Variants in ASIC2 observed in about 807,000 individuals in gnomAD.
ASIC2 encodes acid-sensing ion channel 2.
Under a neutral mutation model 57.3 loss-of-function variants are expected in ASIC2, and 25 were observed. The observed-to-expected ratio is 0.44, with a 90% CI of 0.32 to 0.61. The LOEUF is 0.61. ASIC2 is among the 20% of genes least tolerant of loss of function. ASIC2 has a pLI of 0.06. For synonymous variants in ASIC2, 319 were observed against 307.5 expected (o/e 1.04, Z -0.39); for missense variants, 641 against 738.1 (o/e 0.87, Z 1.52).
At chr17:33,363,812 T>C (rs1908704036) in intron 1 of ASIC2, among the ~76,000 whole-genome samples, 1 of 152,206 alleles carries the variant, frequency 6.6e-6, no homozygotes. Context: ...GCTTTCCATC[T>C]GGACCCTCCA....
intron 3 of ASIC2, among the ~76,000 whole-genome samples, chr17:33,043,111 G>C (rs959617703): frequency 6.6e-6 from 1 of 152,132 alleles, no homozygotes; most frequent in Non-Finnish European, 1.5e-5. Context: ...ATTTTTAGTA[G>C]AGACAGGGTT....
At chr17:33,640,150 A>G (rs547995874) in intron 1 of ASIC2, among the ~76,000 whole-genome samples, 2 of 152,156 alleles carry the variant, frequency 1.3e-5, no homozygotes, top group South Asian at 4.2e-4. Context: ...GTTTTTATCT[A>G]CATAATAAAG....
chr17:33,860,628 A>G (rs1473296750), intron 1 of ASIC2, among the ~76,000 whole-genome samples: 1 of 152,338 alleles, frequency 6.6e-6, no homozygotes, highest in East Asian at 1.9e-4. Flanking sequence ...CTAGGACCAG[A>G]ATCATATGGC....
intron 1 of ASIC2, among the ~76,000 whole-genome samples, chr17:33,817,056 G>C (rs1346526729): frequency 6.6e-6 from 1 of 152,222 alleles, no homozygotes; most frequent in African/African-American, 2.4e-5. Flanking sequence ...CCCCAGCGGG[G>C]CTGCACACTG....
At chr17:33,223,240 TG>T (rs1308513722) in intron 1 of ASIC2, among the ~76,000 whole-genome samples, 1 of 152,130 alleles carries the variant, frequency 6.6e-6, no homozygotes, top group East Asian at 1.9e-4. Flanking sequence ...TGGAGTACAG[TG>T]GCGTGATCTC....
At chr17:33,564,262 T>C (rs1008882391) in intron 1 of ASIC2, among the ~76,000 whole-genome samples, 2 of 152,166 alleles carry the variant, frequency 1.3e-5, no homozygotes, top group Non-Finnish European at 2.9e-5. Flanking sequence ...TTAGTGGAGA[T>C]TTTTAAAGAA....
chr17:33,427,562 A>C (rs1207364011), intron 1 of ASIC2, among the ~76,000 whole-genome samples: 1 of 152,178 alleles, frequency 6.6e-6, no homozygotes, highest in Non-Finnish European at 1.5e-5. Flanking sequence ...CCAACTCTCC[A>C]TCCTCCCCCA....
intron 1 of ASIC2, among the ~76,000 whole-genome samples, chr17:34,099,663 GGAAAGAAA>G (rs144041102): frequency 6.4e-5 from 7 of 110,120 alleles, no homozygotes; most frequent in Non-Finnish European, 1.3e-4. Context: ...AAGGAAGGAA[GGAAAGAAA>G]GAAAGAAAGA....
intron 1 of ASIC2, among the ~76,000 whole-genome samples, chr17:33,739,623 C>T (rs78478688): frequency 6.6e-6 from 1 of 152,128 alleles, no homozygotes; most frequent in Admixed American, 6.5e-5. Flanking sequence ...TGCACTTGGC[C>T]TCTCACTGAG....
intron 1 of ASIC2, among the ~76,000 whole-genome samples, chr17:33,774,691 T>C (rs770143674): frequency 4.6e-5 from 7 of 152,178 alleles, no homozygotes; most frequent in Non-Finnish European, 1.0e-4. Flanking sequence ...TTTGGAGACA[T>C]ACACACTTTA....
chr17:33,717,503 A>G (rs1909258984), intron 1 of ASIC2, among the ~76,000 whole-genome samples: 1 of 152,052 alleles, frequency 6.6e-6, no homozygotes, highest in Admixed American at 6.5e-5. Context: ...TTAAAGTGGG[A>G]GCGATGGGAG....
At chr17:34,001,360 T>C (rs1408223435) in intron 1 of ASIC2, 1 of 152,272 alleles carries the variant, frequency 6.6e-6, no homozygotes, top group Non-Finnish European at 1.5e-5. Context: ...GGGCCTGGAG[T>C]TTGGGTCTGT....
chr17:34,139,895 T>C (rs1235344678), intron 1 of ASIC2, among the ~76,000 whole-genome samples: 2 of 152,238 alleles, frequency 1.3e-5, no homozygotes, highest in Non-Finnish European at 2.9e-5. Flanking sequence ...TATGGGTGAA[T>C]TGTATGGAAT....
chr17:33,353,836 A>G lies in ASIC2; in HGVS notation c.556-241769T>C, dbSNP rs1908273961. Reference sequence around the variant, plus strand: ...ATACATGTTCTTCAGGGCTGCTCTGACCAAGCACAGGGTCTCCATCAAGGC... The same window carrying G: ...ATACATGTTCTTCAGGGCTGCTCTGGCCAAGCACAGGGTCTCCATCAAGGC... On this transcript the variant is annotated intron_variant, in intron 1 of 9. Coordinates refer to the ASIC2 transcript ENST00000359872. 1.3e-5 allele frequency among the ~76,000 whole-genome samples: 2 copies of G among 152,146 alleles called. 1 individual carries two copies. Among genetic ancestry groups the G allele is most frequent in the South Asian group, 4.1e-4 (2 of 4,822 alleles).
chr17:33,582,161 G>A (rs1219774012), intron 1 of ASIC2, among the ~76,000 whole-genome samples: 1 of 152,196 alleles, frequency 6.6e-6, no homozygotes, highest in Non-Finnish European at 1.5e-5. Context: ...TACAACAGCT[G>A]TCGAAAATGA....
chr17:33,276,779 C>T (rs151162001), intron 1 of ASIC2, among the ~76,000 whole-genome samples: 5 of 152,328 alleles, frequency 3.3e-5, no homozygotes, highest in Admixed American at 6.5e-5. Context: ...AGCAGCCTGA[C>T]GGTCTAGCCT....
intron 1 of ASIC2, among the ~76,000 whole-genome samples, chr17:33,278,600 G>T (rs1375517982): frequency 6.6e-6 from 1 of 152,168 alleles, no homozygotes. Flanking sequence ...GATCTTTGGG[G>T]AGACTTGGAA....
intron 1 of ASIC2, among the ~76,000 whole-genome samples, chr17:33,633,061 A>G (rs1477157121): frequency 1.3e-5 from 2 of 152,204 alleles, no homozygotes; most frequent in African/African-American, 2.4e-5. Context: ...CTCCTCCCCT[A>G]GAAACATCAG....
rs369982901 is a variant in ASIC2, at chr17:33,024,955, C to T, written c.1196-941G>A. ...AATAAAGACTTCCTTACCATTTTAACTAGTGTCAGAGTGATTTTTTCTTTA... is the reference window on the plus strand; with the variant it reads ...AATAAAGACTTCCTTACCATTTTAATTAGTGTCAGAGTGATTTTTTCTTTA... On this transcript the variant is annotated intron_variant, in intron 5 of 9. Coordinates refer to ENST00000225823, the MANE Select transcript of ASIC2 (RefSeq NM_183377.2). Among the ~76,000 whole-genome samples, 14 of 152,302 alleles carry T rather than the reference C, an allele frequency of 9.2e-5. No homozygotes were observed. In the East Asian group the frequency reaches 2.7e-3, roughly 29 times the overall value.
Sources: gnomAD v4.1 joint callset for allele counts (sites outside exome capture counted in the v4.1 genomes callset) on GRCh38, gnomAD v4.1.1 for gene constraint, MANE v1.5 for transcripts, NCBI Gene and HGNC (gene_info 2026-07-23, HGNC 2026-07-21) for gene names.